MIPOL1: variants seen among roughly 807,000 people sequenced by gnomAD.
MIPOL1 encodes the protein mirror-image polydactyly 1, also known as mirror-image polydactyly gene 1 protein.
MIPOL1 carries 57 observed loss-of-function variants against 60.9 expected under a neutral mutation model. The observed-to-expected ratio is 0.94, with a 90% CI of 0.76 to 1.17. MIPOL1 has a LOEUF of 1.17. MIPOL1 is among the 50% of genes most tolerant of loss of function. The probability of loss-of-function intolerance (pLI) is 0.00; values close to 1 mark genes in which losing one functional copy is unlikely to be tolerated. For synonymous variants in MIPOL1, 179 were observed against 168.8 expected (o/e 1.06, Z -0.47); for missense variants, 551 against 511.6 (o/e 1.08, Z -0.74).
chr14:37,252,228 G>A (rs975614407), intron 3 of MIPOL1, among the ~76,000 whole-genome samples: 3 of 151,522 alleles, frequency 2.0e-5, no homozygotes, highest in African/African-American at 7.3e-5. Flanking sequence ...TCTAAATTTA[G>A]ATATAGATTA....
chr14:37,266,442 C>G (rs546141308), intron 3 of MIPOL1, among the ~76,000 whole-genome samples: 1 of 152,080 alleles, frequency 6.6e-6, no homozygotes, highest in African/African-American at 2.4e-5. Flanking sequence ...AGTTTATAAA[C>G]GGGCACTAAG....
intron 1 of MIPOL1, among the ~76,000 whole-genome samples, chr14:37,230,430 A>C (rs1013636458): frequency 1.3e-5 from 2 of 152,204 alleles, no homozygotes; most frequent in African/African-American, 4.8e-5. Context: ...TTTTACAGTG[A>C]TGCTTGCAGG....
chr14:37,480,473 G>GA lies in MIPOL1; in HGVS notation c.1032-19428dup, dbSNP rs2094845447. ...CCATGTGGTTATCTCATTAGATGCA[G>GA]AAAAAAACATTTGACAAAATTCAAC... On this transcript the variant is annotated intron_variant, in intron 11 of 12. Transcript: ENST00000684589. Among the ~76,000 whole-genome samples, 3 of 148,866 alleles carry GA rather than the reference G, an allele frequency of 2.0e-5. No homozygotes were observed. The South Asian group carries it at 6.3e-4, about 31-fold the overall frequency.
intron 11 of MIPOL1, among the ~76,000 whole-genome samples, chr14:37,488,835 G>A (rs1283988240): frequency 6.6e-6 from 1 of 152,040 alleles, no homozygotes; most frequent in Non-Finnish European, 1.5e-5. Flanking sequence ...TTCCCTTTGT[G>A]GGTAACCTGA....
rs78866640 is a variant in MIPOL1, at chr14:37,526,196, CT to C, written c.1263-20694del. On this transcript the variant is annotated intron_variant, in intron 12 of 12. Coordinates refer to ENST00000684589, the MANE Select transcript of MIPOL1 (RefSeq NM_001388067.1). ...TGTAGTCAGTGTAGTTGTATATATG[CT>C]TTTTTTTTTTTTTTGGAAATACTGA... is the stretch of plus-strand genomic sequence containing the variant. Among the ~76,000 whole-genome samples, 1,109 of 132,970 alleles carry C rather than the reference CT, an allele frequency of 8.3e-3. 4 individuals are homozygous for C. Among genetic ancestry groups the C allele is most frequent in the African/African-American group, 0.018 (672 of 36,382 alleles). The allele number at this position is 132,970 out of a possible 152,430, so 87.2% of individuals were successfully genotyped here.
chr14:37,296,941 C>A (rs1447988528), intron 7 of MIPOL1, among the ~76,000 whole-genome samples: 1 of 152,126 alleles, frequency 6.6e-6, no homozygotes, highest in Non-Finnish European at 1.5e-5. Flanking sequence ...GGGAATCCTC[C>A]CTAACTCGTT....
chr14:37,403,317 AT>A (rs952318515), intron 10 of MIPOL1, among the ~76,000 whole-genome samples: 9 of 149,434 alleles, frequency 6.0e-5, no homozygotes, highest in South Asian at 2.1e-4. Context: ...GAGATGGATA[AT>A]TTTTTTTTGG....
rs901947199 is a variant in MIPOL1 at position 37,551,245 on chromosome 14, C to T, written c.*4274C>T. 1.1e-4 allele frequency: 17 copies of T among 152,038 alleles called. No individual in the cohort carries two copies. Among genetic ancestry groups the T allele is most frequent in the Non-Finnish European group, 1.9e-4 (13 of 67,984 alleles). 9.4% of individuals were successfully genotyped at this position (152,038 alleles called of 1,614,324 possible). Reference sequence around the variant, plus strand: ...TTACTTTGTACTCAAATAAAATCCCCTATTGCAAATCCTATACATATTTCA... The same window carrying T: ...TTACTTTGTACTCAAATAAAATCCCTTATTGCAAATCCTATACATATTTCA... On this transcript the variant is annotated 3_prime_UTR_variant, in exon 13 of 13. Coordinates refer to ENST00000684589, the MANE Select transcript of MIPOL1 (RefSeq NM_001388067.1).
At chr14:37,282,451 G>A (rs1182186642) in intron 6 of MIPOL1, among the ~76,000 whole-genome samples, 1 of 151,880 alleles carries the variant, frequency 6.6e-6, no homozygotes, top group Non-Finnish European at 1.5e-5. Context: ...AATCAAGATA[G>A]TTATTAGGCC....
At chr14:37,283,445 G>A (rs1334355166) in intron 6 of MIPOL1, among the ~76,000 whole-genome samples, 1 of 152,092 alleles carries the variant, frequency 6.6e-6, no homozygotes, top group Non-Finnish European at 1.5e-5. Flanking sequence ...GTGGTATGCA[G>A]CATACAATAT....
chr14:37,436,408 T>C (rs571931319), intron 11 of MIPOL1, among the ~76,000 whole-genome samples: 1 of 152,318 alleles, frequency 6.6e-6, no homozygotes, highest in Admixed American at 6.5e-5. Context: ...TCTTTTTCTT[T>C]CCATGACACA....
In MIPOL1 at chr14:37,215,462, C is replaced by T. The variant is rs544301777; in HGVS notation, c.-199+17358C>T. Among the ~76,000 whole-genome samples, 10 of 152,068 alleles carry T rather than the reference C, an allele frequency of 6.6e-5. No homozygotes were observed. In the East Asian group the frequency reaches 1.5e-3, roughly 24 times the overall value. On this transcript the variant is annotated intron_variant, in intron 1 of 12. Transcript: ENST00000684589. The stretch of plus-strand genomic sequence containing the variant: ...GCTGGTCGCTACAGCTCATGGTAAC[C>T]TCAAACCCAAAAACATAAAATGGAT...
At chr14:37,450,604 C>T (rs2094403228) in intron 11 of MIPOL1, among the ~76,000 whole-genome samples, 1 of 152,092 alleles carries the variant, frequency 6.6e-6, no homozygotes, top group African/African-American at 2.4e-5. Flanking sequence ...ACTGTGATCT[C>T]CACTTATAGA....
At chr14:37,415,106 A>T (rs2093741078) in intron 10 of MIPOL1, among the ~76,000 whole-genome samples, 1 of 152,140 alleles carries the variant, frequency 6.6e-6, no homozygotes, top group Admixed American at 6.5e-5. Context: ...TATTTCTGAG[A>T]AGCTGTAATA....
At chr14:37,202,354 A>G (rs2139116350) in intron 1 of MIPOL1, among the ~76,000 whole-genome samples, 1 of 151,912 alleles carries the variant, frequency 6.6e-6, no homozygotes, top group Non-Finnish European at 1.5e-5. Context: ...TCATATAGAA[A>G]TTCTGGATCC....
intron 6 of MIPOL1, among the ~76,000 whole-genome samples, chr14:37,273,637 A>G (rs1285674065): frequency 2.0e-5 from 3 of 151,488 alleles, no homozygotes; most frequent in Non-Finnish European, 4.4e-5. Context: ...CACATAAAAC[A>G]AAAGATGTCC....
At position 37,309,677 on chromosome 14, in the gene MIPOL1, C is replaced by CT. The variant is rs375803009; in HGVS notation, c.828+1159dup. On this transcript the variant is annotated intron_variant, in intron 9 of 12. Transcript: ENST00000684589. ...TTTCTAGCTCATTCATGCTAGAACT[C>CT]TGACTCCAGCATTTTTTTTTTTTTT... Among the ~76,000 whole-genome samples the CT allele has an allele frequency of 1.7e-3, 255 of 151,512 alleles. 1 individual carries two copies. The highest frequency in any genetic ancestry group is 5.8e-3 in the African/African-American group (238 of 41,326).
At chr14:37,202,491 A>G (rs1251957624) in intron 1 of MIPOL1, among the ~76,000 whole-genome samples, 1 of 152,104 alleles carries the variant, frequency 6.6e-6, no homozygotes, top group Non-Finnish European at 1.5e-5. Flanking sequence ...CGTGTTTTTC[A>G]TGGCACTCCT....
intron 10 of MIPOL1, among the ~76,000 whole-genome samples, chr14:37,375,995 G>T (rs2092766910): frequency 6.6e-6 from 1 of 152,024 alleles, no homozygotes; most frequent in Non-Finnish European, 1.5e-5. Context: ...TGTTCTCTGG[G>T]TTAGTTATTT....
Sources: allele counts gnomAD v4.1 joint callset (sites outside exome capture counted in the v4.1 genomes callset), GRCh38; gene constraint gnomAD v4.1.1; transcripts MANE v1.5; gene names NCBI Gene and HGNC (gene_info 2026-07-23, HGNC 2026-07-21).